The following CACNA2D3 variants were observed in gnomAD, a reference collection of about 807,000 sequenced individuals.
The protein encoded by CACNA2D3 is calcium voltage-gated channel auxiliary subunit alpha2delta 3.
In CACNA2D3, 60 loss-of-function variants were observed where a neutral mutation model predicts 160.6. That is an observed-to-expected ratio of 0.37 (90% confidence interval 0.30 to 0.46). The LOEUF is 0.46. Ranked by LOEUF, CACNA2D3 falls within the 20% of genes least tolerant of loss-of-function variation. CACNA2D3 has a pLI of 1.00. For synonymous variants in CACNA2D3, 558 were observed against 492.9 expected, an observed-to-expected ratio of 1.13 and a Z score of -1.75; for missense variants, 1,205 against 1,365.0, an observed-to-expected ratio of 0.88 and a Z score of 1.85.
At chr3:54,687,211 G>T (rs1263908225) in intron 11 of CACNA2D3, among the ~76,000 whole-genome samples, 1 of 144,246 alleles carries the variant, frequency 6.9e-6, no homozygotes, top group Non-Finnish European at 1.5e-5. Flanking sequence ...TGCCATCTCG[G>T]CTCACTGCAG....
At chr3:54,737,178 GTA>G (rs1484826122) in intron 11 of CACNA2D3, among the ~76,000 whole-genome samples, 4 of 103,200 alleles carry the variant, frequency 3.9e-5, no homozygotes, top group Admixed American at 3.8e-4. Flanking sequence ...ATATCCATGT[GTA>G]TATGTGTGTG....
In CACNA2D3 at chr3:54,681,875, G is replaced by A. The variant is rs111441960; in HGVS notation, c.1167+39634G>A. ...CTTTCTTACTTTTAGTAGAGATGGG[G>A]TTTCGCCAAGTTGGCCAGGCTGGTT... On this transcript the variant is annotated intron_variant, in intron 11 of 37. Transcript: ENST00000474759. Among the ~76,000 whole-genome samples the A allele has an allele frequency of 8.1e-3, 1,234 of 152,114 alleles. 15 individuals carry two copies. The highest frequency in any genetic ancestry group is 0.028 in the African/African-American group (1,145 of 41,494).
intron 14 of CACNA2D3, among the ~76,000 whole-genome samples, chr3:54,817,829 A>C (rs939877684): frequency 1.3e-5 from 2 of 152,234 alleles, no homozygotes; most frequent in Admixed American, 6.5e-5. Context: ...TAAACAAGGC[A>C]AGGCATGCTA....
intron 35 of CACNA2D3, among the ~76,000 whole-genome samples, chr3:55,049,163 C>G: frequency 6.6e-6 from 1 of 151,560 alleles, no homozygotes; most frequent in Admixed American, 6.6e-5. Flanking sequence ...TGTGTTTGCT[C>G]TTGCTTGTCT....
At chr3:54,538,317 A>G (rs1413001829) in intron 5 of CACNA2D3, among the ~76,000 whole-genome samples, 1 of 152,190 alleles carries the variant, frequency 6.6e-6, no homozygotes, top group Non-Finnish European at 1.5e-5. Context: ...CCTGCTATGA[A>G]TGCCTTCCCA....
intron 13 of CACNA2D3, among the ~76,000 whole-genome samples, chr3:54,787,046 C>T (rs907973005): frequency 4.6e-5 from 7 of 152,154 alleles, no homozygotes; most frequent in East Asian, 1.9e-4. Flanking sequence ...AAGATGAAAA[C>T]GATCAAATTT....
At chr3:54,314,857 C>T (rs1267836153) in intron 2 of CACNA2D3, among the ~76,000 whole-genome samples, 1 of 152,218 alleles carries the variant, frequency 6.6e-6, no homozygotes, top group Admixed American at 6.5e-5. Flanking sequence ...GCAAAGCCAG[C>T]CTGGCTCAAA....
chr3:54,135,384 A>G (rs371072999), intron 2 of CACNA2D3, among the ~76,000 whole-genome samples: 1 of 152,154 alleles, frequency 6.6e-6, no homozygotes, highest in East Asian at 1.9e-4. Flanking sequence ...GTGGCCATCA[A>G]GTGAGTTTGG....
chr3:54,644,023 T>C (rs1699583350), intron 11 of CACNA2D3, among the ~76,000 whole-genome samples: 1 of 152,178 alleles, frequency 6.6e-6, no homozygotes, highest in African/African-American at 2.4e-5. Flanking sequence ...CATGTGAGTC[T>C]CACATGTTGT....
intron 13 of CACNA2D3, among the ~76,000 whole-genome samples, chr3:54,809,569 C>G (rs891627734): frequency 2.1e-5 from 3 of 143,864 alleles, no homozygotes; most frequent in East Asian, 3.9e-4. Context: ...CCACCCGCCT[C>G]GGCCTCCCAA....
chr3:54,253,301 C>A (rs754133674), intron 2 of CACNA2D3, among the ~76,000 whole-genome samples: 2 of 152,042 alleles, frequency 1.3e-5, no homozygotes, highest in African/African-American at 4.8e-5. Context: ...GAGGTTTAAT[C>A]GGCTTGTGCT....
At chr3:54,837,313 T>C in intron 15 of CACNA2D3, 83 bp downstream of exon 15, 2 of 1,128,600 alleles carry the variant, frequency 1.8e-6, no homozygotes, top group Non-Finnish European at 2.7e-6. Context: ...CTGGTGACTT[T>C]TGATTTTTAA....
chr3:54,353,771 G>A (rs1698604602), intron 3 of CACNA2D3, among the ~76,000 whole-genome samples: 1 of 152,180 alleles, frequency 6.6e-6, no homozygotes, highest in Non-Finnish European at 1.5e-5. Flanking sequence ...CCATCTCCCT[G>A]CAGACTTGGG....
At chr3:54,466,770 GT>G (rs1208904894) in intron 4 of CACNA2D3, among the ~76,000 whole-genome samples, 1 of 152,218 alleles carries the variant, frequency 6.6e-6, no homozygotes, top group African/African-American at 2.4e-5. Context: ...GCCTAACACT[GT>G]ATAATTATAA....
chr3:54,255,263 C>G (rs1162301658), intron 2 of CACNA2D3, among the ~76,000 whole-genome samples: 1 of 152,220 alleles, frequency 6.6e-6, no homozygotes, highest in Admixed American at 6.5e-5. Flanking sequence ...TATCTTGAAA[C>G]TTTCCAAACT....
At chr3:54,712,620 T>C (rs1700972994) in intron 11 of CACNA2D3, among the ~76,000 whole-genome samples, 1 of 152,224 alleles carries the variant, frequency 6.6e-6, no homozygotes, top group Non-Finnish European at 1.5e-5. Context: ...ACTGAGAGTC[T>C]ATTAAACCTC....
intron 2 of CACNA2D3, among the ~76,000 whole-genome samples, chr3:54,265,915 T>G (rs980008512): frequency 2.0e-5 from 3 of 152,170 alleles, no homozygotes; most frequent in Non-Finnish European, 4.4e-5. Flanking sequence ...ACAGGCAGTT[T>G]CCTAGTTCAA....
intron 3 of CACNA2D3, among the ~76,000 whole-genome samples, chr3:54,326,585 T>G (rs886465699): frequency 1.3e-5 from 2 of 152,238 alleles, no homozygotes; most frequent in African/African-American, 4.8e-5. Flanking sequence ...ACATTGGAAA[T>G]GAAATAATTG....
rs1228546030 is a variant in CACNA2D3 at position 54,265,555 on chromosome 3, TGTATA to T, written c.205-54884_205-54880del. 2.9e-3 allele frequency among the ~76,000 whole-genome samples: 285 copies of T among 99,846 alleles called. 1 individual carries two copies. The highest frequency in any genetic ancestry group is 8.6e-3 in the African/African-American group (158 of 18,280). The allele number at this position is 99,846 out of a possible 152,430, so 65.5% of individuals were successfully genotyped here. On this transcript the variant is annotated intron_variant, in intron 2 of 37. Coordinates refer to ENST00000474759, the MANE Select transcript of CACNA2D3 (RefSeq NM_018398.3). ...ATGTGTGTGTGTGTGTGTGTGTGTG[TGTATA>T]GTGTGTATATATATAGTGTGTGTAT...
Sources: allele counts gnomAD v4.1 joint callset (sites outside exome capture counted in the v4.1 genomes callset), GRCh38; gene constraint gnomAD v4.1.1; transcripts MANE v1.5; gene names NCBI Gene and HGNC (gene_info 2026-07-23, HGNC 2026-07-21).